The following HPR variants were observed in gnomAD, a reference collection of about 807,000 sequenced individuals.
HPR encodes haptoglobin-related protein.
HPR carries 17 observed loss-of-function variants against 18.5 expected under a neutral mutation model. The observed-to-expected ratio is 0.92, with a 90% confidence interval of 0.63 to 1.38. The LOEUF (loss-of-function observed/expected upper bound fraction) is 1.38. Ranked by LOEUF, HPR falls within the 40% of genes most tolerant of loss-of-function variation. The probability of loss-of-function intolerance (pLI) is 0.00; values close to 1 mark genes in which losing one functional copy is unlikely to be tolerated. For synonymous variants in HPR, 176 were observed against 165.0 expected, an observed-to-expected ratio of 1.07 and a Z score of -0.51; for missense variants, 457 against 432.4, an observed-to-expected ratio of 1.06 and a Z score of -0.51.
intron 3 of HPR, chr16:72,074,895 C>T (rs1178573986): frequency 5.7e-6 from 4 of 695,986 alleles, no homozygotes; most frequent in Non-Finnish European, 1.0e-5. Context: ...ACCCTGAGCC[C>T]TCCCTGTACT....
intron 1 of HPR, among the ~76,000 whole-genome samples, chr16:72,066,312 G>T (rs1263556155): frequency 6.6e-6 from 1 of 152,126 alleles, no homozygotes; most frequent in African/African-American, 2.4e-5. Flanking sequence ...ATACACTTGG[G>T]TCGAGCAAAT....
At position 72,077,203 on chromosome 16, in the gene HPR, C is replaced by G. The variant is rs1206314471; in HGVS notation, c.*122C>G. 1.1e-5 allele frequency: 10 copies of G among 943,816 alleles called. No homozygotes were observed. The highest frequency in any genetic ancestry group is 1.4e-5 in the Non-Finnish European group (9 of 643,512). The allele number at this position is 943,816 out of a possible 1,614,324, so 58.5% of individuals were successfully genotyped here. ...TGGTTTGAAGCTGATGGGTGCCAGCCCTGCATTGCTGAGTCAATCAATAAA... is the reference window on the plus strand; with the variant it reads ...TGGTTTGAAGCTGATGGGTGCCAGCGCTGCATTGCTGAGTCAATCAATAAA... On this transcript the variant is annotated 3_prime_UTR_variant, in exon 5 of 5. Transcript: ENST00000540303.
chr16:72,074,441 C>G, intron 3 of HPR, 56 bp downstream of exon 3: 1 of 1,398,218 alleles, frequency 7.2e-7, no homozygotes, highest in Non-Finnish European at 1.0e-6. Context: ...TCTGACATTT[C>G]CATGATGGGT....
At chr16:72,069,198 C>T (rs1207345603) in intron 1 of HPR, among the ~76,000 whole-genome samples, 2 of 152,086 alleles carry the variant, frequency 1.3e-5, no homozygotes, top group African/African-American at 4.8e-5. Context: ...TGGAGTGGCT[C>T]ATACATTTGG....
At position 72,076,705 on chromosome 16, in the gene HPR, C is replaced by T; in HGVS notation, c.671C>T (p.Ser224Phe). Residue 224 changes from serine to phenylalanine, a missense_variant, in exon 5 of 5, where the codon TCT (serine) becomes TTT (phenylalanine). Physicochemically the swap from Ser to Phe is radical, Grantham distance 155. Transcript: ENST00000540303. ...GAAGTAGGGCGTGTGGGTTACGTGT[C>T]TGGCTGGGGACAAAGTGACAACTTT... ...YAEVGRVGYV[S>F]GWGQSDNFKL... is the part of the protein sequence containing the mutation. 6.2e-7 allele frequency: 1 copy of T among 1,614,204 alleles called. No individual in the cohort carries two copies. The highest frequency in any genetic ancestry group is 8.5e-7 in the Non-Finnish European group (1 of 1,180,038).
At chr16:72,064,442 A>C (rs1429819958) in intron 1 of HPR, among the ~76,000 whole-genome samples, 3 of 151,586 alleles carry the variant, frequency 2.0e-5, no homozygotes, top group Admixed American at 2.0e-4. Flanking sequence ...TCTGCTACCC[A>C]CTCTGTGATT....
At chr16:72,065,556 T>C (rs943740480) in intron 1 of HPR, among the ~76,000 whole-genome samples, 1 of 152,176 alleles carries the variant, frequency 6.6e-6, no homozygotes, top group Non-Finnish European at 1.5e-5. Flanking sequence ...ATGAGAGGAC[T>C]AAGCATAAGA....
Position 72,076,610 on chromosome 16 carries a change from C to G in HPR, c.576C>G (p.Ile192Met), listed in dbSNP as rs747925856. Residue 192 changes from isoleucine (I) to methionine (M), a missense_variant, in exon 5 of 5, where the codon ATC becomes ATG. Physicochemically the swap from Ile to Met is conservative, Grantham distance 10. Transcript: ENST00000540303. ...ACCACCAGGTAGATATTGGGCTCAT[C>G]AAACTCAAACAGAAGGTGCTTGTTA... The part of the protein sequence containing the change: ...PNYHQVDIGL[I>M]KLKQKVLVNE... 1.9e-6 allele frequency: 3 copies of G among 1,614,210 alleles called. No individual in the cohort carries two copies. Among genetic ancestry groups the G allele is most frequent in the Non-Finnish European group, 1.7e-6 (2 of 1,180,014 alleles).
chr16:72,072,992 G>T (rs761752176), intron 1 of HPR, among the ~76,000 whole-genome samples: 1 of 152,000 alleles, frequency 6.6e-6, no homozygotes, highest in Non-Finnish European at 1.5e-5. Context: ...CAACCTTCCC[G>T]CCAGTCGTTA....
Position 72,067,805 on chromosome 16 carries a change from G to A in HPR, c.5+4545G>A, listed in dbSNP as rs555862638. Among the ~76,000 whole-genome samples the A allele has an allele frequency of 1.4e-3, 214 of 152,240 alleles. 1 individual carries two copies. The highest frequency in any genetic ancestry group is 3.4e-3 in the Middle Eastern group (1 of 294). ...GTCAAAAAATCAGATGGGTCATACCGGCTGGTGAAAGACCTCAGAGCCATT... is the reference window on the plus strand; with the variant it reads ...GTCAAAAAATCAGATGGGTCATACCAGCTGGTGAAAGACCTCAGAGCCATT... On this transcript the variant is annotated intron_variant, in intron 1 of 4. Coordinates refer to ENST00000540303, the MANE Select transcript of HPR (RefSeq NM_020995.4).
chr16:72,063,883 C>T (rs2041568824), intron 1 of HPR, among the ~76,000 whole-genome samples: 1 of 152,112 alleles, frequency 6.6e-6, no homozygotes, highest in Non-Finnish European at 1.5e-5. Context: ...GCTAGGACTA[C>T]AGGCGTGTGC....
intron 3 of HPR, chr16:72,074,687 T>C (rs554306457): frequency 4.5e-4 from 320 of 706,832 alleles, no homozygotes; most frequent in Admixed American, 1.1e-3. Context: ...CTGATGATGA[T>C]GTCACCCTCA....
intron 4 of HPR, 102 bp from the exon 5 acceptor site, chr16:72,076,201 C>G: frequency 6.4e-7 from 1 of 1,563,130 alleles, no homozygotes; most frequent in Admixed American, 1.8e-5. Flanking sequence ...TTAAATCTTT[C>G]CAGTTTATGC....
intron 1 of HPR, among the ~76,000 whole-genome samples, chr16:72,068,712 A>G (rs2041623332): frequency 1.3e-5 from 2 of 152,166 alleles, no homozygotes; most frequent in South Asian, 2.1e-4. Flanking sequence ...AGTGCATCCA[A>G]TCCATTGCAG....
In HPR at chr16:72,073,656, G is replaced by C; in HGVS notation, c.6-236G>C. 19 of 1,379,614 alleles carry C rather than the reference G, an allele frequency of 1.4e-5. No homozygotes were observed. The South Asian group carries it at 2.2e-4, about 16-fold the overall frequency. The allele number at this position is 1,379,614 out of a possible 1,614,324, so 85.5% of individuals were successfully genotyped here. A position where few individuals can be genotyped will look rare whatever the true frequency, so the allele number is the denominator to read the frequency against. ...CAAGACAGAGCTTGCTGGAAGCTTGGTATGCTCAGAAGCAGCTAAAGCGTG... is the reference window on the plus strand; with the variant it reads ...CAAGACAGAGCTTGCTGGAAGCTTGCTATGCTCAGAAGCAGCTAAAGCGTG... On this transcript the variant is annotated intron_variant, in intron 1 of 4. Transcript: ENST00000540303.
chr16:72,073,149 G>T (rs1049425318), intron 1 of HPR, among the ~76,000 whole-genome samples: 11 of 152,158 alleles, frequency 7.2e-5, no homozygotes, highest in African/African-American at 2.7e-4. Flanking sequence ...ACCGGGTTCA[G>T]CTTAGATTGT....
chr16:72,064,195 G>A (rs111852245), intron 1 of HPR, among the ~76,000 whole-genome samples: 1 of 152,050 alleles, frequency 6.6e-6, no homozygotes, highest in African/African-American at 2.4e-5. Context: ...GGCATTTTGG[G>A]GTTTGAGATA....
chr16:72,074,288 C>A lies in HPR; in HGVS notation c.96C>A (p.Asp32Glu). 1 of 1,613,528 alleles carries A rather than the reference C, an allele frequency of 6.2e-7. No individual in the cohort carries two copies. Among genetic ancestry groups the A allele is most frequent in the Non-Finnish European group, 8.5e-7 (1 of 1,179,504 alleles). ...SGNDVTDISD[D>E]RFPKPPEIAN... ...CTGGCTTCTCTCTCTTTGCAGATGA[C>A]CGCTTCCCGAAGCCCCCTGAGATTG... The change falls in exon 3 of 5, where the codon GAC (aspartate) becomes GAA (glutamate). Residue 32 changes from aspartate to glutamate, a missense_variant. By Grantham distance (45) the Asp-to-Glu change is conservative. Coordinates refer to ENST00000540303, the MANE Select transcript of HPR (RefSeq NM_020995.4).
Position 72,076,891 on chromosome 16 carries a change from C to A in HPR, c.857C>A (p.Ser286Tyr). The A allele has an allele frequency of 6.2e-7, 1 of 1,614,234 alleles. No homozygotes were observed. Among genetic ancestry groups the A allele is most frequent in the Non-Finnish European group, 8.5e-7 (1 of 1,180,044 alleles). ...LNEHTFCVGM[S>Y]KYQEDTCYGD... ...GAACACACCTTCTGTGTCGGCATGT[C>A]TAAGTACCAGGAAGACACCTGCTAT... is the stretch of plus-strand genomic sequence containing the variant. The change falls in exon 5 of 5, where the codon TCT (serine) becomes TAT (tyrosine). Residue 286 changes from serine (S) to tyrosine (Y), a missense_variant. Ser to Tyr is a moderately radical substitution (Grantham distance 144, BLOSUM62 -2). Transcript: ENST00000540303.
Sources: allele counts gnomAD v4.1 joint callset (sites outside exome capture counted in the v4.1 genomes callset), GRCh38; gene constraint gnomAD v4.1.1; transcripts MANE v1.5; gene names NCBI Gene and HGNC (gene_info 2026-07-23, HGNC 2026-07-21).